The following ACSS3 variants were observed in gnomAD, a reference collection of about 807,000 sequenced individuals.
ACSS3 encodes acyl-CoA synthetase short chain family member 3.
ACSS3 carries 64 observed loss-of-function variants against 84.2 expected under a neutral mutation model. That is an observed-to-expected ratio of 0.76 (90% CI 0.62 to 0.94). The LOEUF (loss-of-function observed/expected upper bound fraction) is 0.94, where lower values mean the gene tolerates loss of function less well. Among genes scored for constraint, ACSS3 ranks in the 40% least tolerant of loss-of-function variants. The pLI, the probability that ACSS3 is intolerant of heterozygous loss-of-function variation, is 0.00. For synonymous variants in ACSS3, 317 were observed against 310.1 expected (o/e 1.02, Z -0.23); for missense variants, 815 against 867.6 (o/e 0.94, Z 0.76).
intron 7 of ACSS3, among the ~76,000 whole-genome samples, chr12:81,163,852 G>A (rs956171492): frequency 1.3e-5 from 2 of 152,138 alleles, no homozygotes; most frequent in Non-Finnish European, 2.9e-5. Flanking sequence ...TTGTTCAGTT[G>A]TACAATGTGT....
At chr12:81,222,404 C>A (rs1203309453) in intron 11 of ACSS3, among the ~76,000 whole-genome samples, 1 of 151,958 alleles carries the variant, frequency 6.6e-6, no homozygotes, top group African/African-American at 2.4e-5. Context: ...GATTTTGAAA[C>A]CTTTTTTCAG....
intron 8 of ACSS3, among the ~76,000 whole-genome samples, chr12:81,195,518 A>G (rs947729586): frequency 6.6e-5 from 10 of 152,084 alleles, no homozygotes; most frequent in Admixed American, 2.6e-4. Flanking sequence ...ATCTCAAATT[A>G]CAAATATATA....
chr12:81,122,438 A>G (rs1884707713), intron 2 of ACSS3, among the ~76,000 whole-genome samples: 1 of 152,114 alleles, frequency 6.6e-6, no homozygotes, highest in Non-Finnish European at 1.5e-5. Context: ...TAGCCCTTTA[A>G]TGAAGTGTAT....
chr12:81,123,083 C>T (rs1481810001), intron 2 of ACSS3, among the ~76,000 whole-genome samples: 1 of 151,812 alleles, frequency 6.6e-6, no homozygotes, highest in Non-Finnish European at 1.5e-5. Flanking sequence ...AATATTCTTG[C>T]AGTACTCATA....
chr12:81,191,999 G>A (rs1218987210), intron 8 of ACSS3, among the ~76,000 whole-genome samples: 1 of 152,140 alleles, frequency 6.6e-6, no homozygotes, highest in Non-Finnish European at 1.5e-5. Flanking sequence ...AAAAATAACT[G>A]ATTTTATGTG....
At chr12:81,239,221 T>C (rs984220607) in intron 13 of ACSS3, among the ~76,000 whole-genome samples, 11 of 152,098 alleles carry the variant, frequency 7.2e-5, no homozygotes, top group Admixed American at 7.2e-4. Flanking sequence ...GAACAGATGT[T>C]GTATGATTTA....
chr12:81,177,617 G>GA (rs1196475508), intron 8 of ACSS3, among the ~76,000 whole-genome samples: 3 of 151,858 alleles, frequency 2.0e-5, no homozygotes, highest in African/African-American at 4.8e-5. Context: ...AAATTTACAA[G>GA]AAAAAAACCA....
intron 2 of ACSS3, among the ~76,000 whole-genome samples, chr12:81,132,372 C>T (rs1291264681): frequency 2.0e-5 from 3 of 152,038 alleles, no homozygotes; most frequent in African/African-American, 7.2e-5. Flanking sequence ...TGTATGTGTA[C>T]AGGAATTTAT....
At chr12:81,110,315 C>T (rs1475667213) in intron 2 of ACSS3, among the ~76,000 whole-genome samples, 1 of 152,124 alleles carries the variant, frequency 6.6e-6, no homozygotes, top group Non-Finnish European at 1.5e-5. Context: ...TTAGATACTC[C>T]TGGGCCTTTG....
At chr12:81,244,640 T>C (rs2033922328) in intron 13 of ACSS3, among the ~76,000 whole-genome samples, 2 of 152,196 alleles carry the variant, frequency 1.3e-5, no homozygotes, top group African/African-American at 2.4e-5. Context: ...TTCTTTCACC[T>C]ACATCTAGTT....
chr12:81,131,610 C>T (rs142773075), intron 2 of ACSS3, among the ~76,000 whole-genome samples: 5 of 152,260 alleles, frequency 3.3e-5, no homozygotes, highest in African/African-American at 1.2e-4. Context: ...TAATTGAATA[C>T]CATTTATTTC....
intron 12 of ACSS3, among the ~76,000 whole-genome samples, chr12:81,233,079 A>T (rs1021110044): frequency 1.3e-5 from 2 of 151,804 alleles, no homozygotes; most frequent in Non-Finnish European, 2.9e-5. Context: ...CATTAAAAAA[A>T]GAAATTGGAT....
At chr12:81,152,168 A>T in intron 7 of ACSS3, 72 bp downstream of exon 7, 1 of 1,299,514 alleles carries the variant, frequency 7.7e-7, no homozygotes. Context: ...AGCAGTCCTG[A>T]GTAGGATCAG....
intron 11 of ACSS3, among the ~76,000 whole-genome samples, chr12:81,226,665 G>A (rs17303475): frequency 0.32 from 48,853 of 151,620 alleles, 9,682 homozygotes; most frequent in Non-Finnish European, 0.45. Context: ...CGCTCTTTGC[G>A]TTGGCATCAC....
intron 1 of ACSS3, among the ~76,000 whole-genome samples, chr12:81,099,832 G>A (rs989593474): frequency 9.2e-5 from 14 of 152,070 alleles, no homozygotes; most frequent in African/African-American, 3.4e-4. Flanking sequence ...TGGCAGTGAT[G>A]AAAAAATTGA....
At chr12:81,223,221 G>T (rs540240545) in intron 11 of ACSS3, among the ~76,000 whole-genome samples, 1 of 151,982 alleles carries the variant, frequency 6.6e-6, no homozygotes, top group South Asian at 2.1e-4. Flanking sequence ...GTTGCTATTG[G>T]AAGTGTGGCC....
intron 1 of ACSS3, among the ~76,000 whole-genome samples, chr12:81,084,572 G>A (rs955598315): frequency 6.6e-6 from 1 of 151,878 alleles, no homozygotes; most frequent in African/African-American, 2.4e-5. Context: ...ATCTTAAAGA[G>A]GTGAGAGGTA....
chr12:81,085,329 A>G lies in ACSS3; in HGVS notation c.311+6898A>G, dbSNP rs529102494. ...TGATTCTAGTGAGCTAAATATCTCAATATTTGTTTGTGAGTCTGACAGGGA... is the reference window on the plus strand; with the variant it reads ...TGATTCTAGTGAGCTAAATATCTCAGTATTTGTTTGTGAGTCTGACAGGGA... On this transcript the variant is annotated intron_variant, in intron 1 of 15. Coordinates refer to ENST00000548058, the MANE Select transcript of ACSS3 (RefSeq NM_024560.4). Among the ~76,000 whole-genome samples, 21 of 152,326 alleles carry G rather than the reference A, an allele frequency of 1.4e-4. 1 individual carries two copies. The South Asian group carries it at 3.9e-3, about 29-fold the overall frequency.
At chr12:81,235,372 C>A (rs1228453641) in intron 13 of ACSS3, among the ~76,000 whole-genome samples, 5 of 150,848 alleles carry the variant, frequency 3.3e-5, no homozygotes, top group African/African-American at 4.9e-5. Context: ...GAATATACTG[C>A]CTTGACACTG....
Sources: gnomAD v4.1 joint callset for allele counts (sites outside exome capture counted in the v4.1 genomes callset) on GRCh38, gnomAD v4.1.1 for gene constraint, MANE v1.5 for transcripts, NCBI Gene and HGNC (gene_info 2026-07-23, HGNC 2026-07-21) for gene names.